Variants in MOK observed in about 807,000 individuals in gnomAD.
MOK encodes the protein MOK protein kinase.
In MOK, 59 loss-of-function variants were observed where a neutral mutation model predicts 54.2. That is an observed-to-expected ratio of 1.09 (90% CI 0.88 to 1.35). The LOEUF (loss-of-function observed/expected upper bound fraction) is 1.35. MOK is among the 40% of genes most tolerant of loss of function. The pLI is 0.00. For missense variants in MOK, 517 were observed against 526.2 expected (o/e 0.98, Z 0.17); for synonymous variants, 210 against 202.7 (o/e 1.04, Z -0.31).
chr14:102,229,766 G>C, intron 10 of MOK, 109 bp from the exon 11 acceptor site: 1 of 1,029,120 alleles, frequency 9.7e-7, no homozygotes, highest in East Asian at 2.6e-5. Flanking sequence ...ACAATTTCTT[G>C]ACCATAAGAT....
intron 1 of MOK, among the ~76,000 whole-genome samples, chr14:102,287,255 G>A (rs1267029252): frequency 6.6e-6 from 1 of 152,130 alleles, no homozygotes; most frequent in Non-Finnish European, 1.5e-5. Flanking sequence ...GATTACCTGA[G>A]GTCAGGAGTT....
At position 102,229,488 on chromosome 14, in the gene MOK, C is replaced by G. The variant is rs999135815; in HGVS notation, c.1151G>C (p.Arg384Thr). The G allele has an allele frequency of 1.2e-6, 2 of 1,614,186 alleles. No homozygotes were observed. The highest frequency in any genetic ancestry group is 2.2e-5 in the East Asian group (1 of 44,866). Residue 384 changes from arginine (R) to threonine (T), a missense_variant, in exon 11 of 12, where the codon AGA (arginine) becomes ACA (threonine). Coordinates refer to ENST00000361847, the MANE Select transcript of MOK (RefSeq NM_014226.3). ...GCTCGCAGGGATGCACTTCAAGGGT[C>G]TCAGCACCGGCACTCTTCCATTTGT... The part of the protein sequence containing the change: ...SGTNGRVPVL[R>T]PLKCIPASKK...
chr14:102,236,934 CTG>C lies in MOK; in HGVS notation c.591-3147_591-3146del, dbSNP rs2065272341. 6.6e-6 allele frequency among the ~76,000 whole-genome samples: 1 copy of C among 152,202 alleles called. No individual in the cohort carries two copies. The highest frequency in any genetic ancestry group is 6.5e-5 in the Admixed American group (1 of 15,278). Reference sequence around the variant, plus strand: ...CAAGACCTCCGAGCCATCAGTCAGGCTGTCTTTCCTATTCATCCCATAGTCCC... The same window carrying C: ...CAAGACCTCCGAGCCATCAGTCAGGCTCTTTCCTATTCATCCCATAGTCCC... On this transcript the variant is annotated intron_variant, in intron 7 of 11. Coordinates refer to ENST00000361847, the MANE Select transcript of MOK (RefSeq NM_014226.3). The surrounding 1 kb of genome is among the most constrained non-coding windows in gnomAD (Gnocchi z 4.5).
Position 102,305,051 on chromosome 14 carries a change from A to G in MOK, c.-83T>C. On this transcript the variant is annotated 5_prime_UTR_variant, in exon 1 of 12. Coordinates refer to ENST00000361847, the MANE Select transcript of MOK (RefSeq NM_014226.3). The stretch of plus-strand genomic sequence containing the variant: ...CAGGAAGGTTGTCCCCCTGCTTTCC[A>G]CTTCCCTGAGGCGGGGTCCCGCACT... 1 of 1,516,392 alleles carries G rather than the reference A, an allele frequency of 6.6e-7. No individual in the cohort carries two copies. Among genetic ancestry groups the G allele is most frequent in the Non-Finnish European group, 9.0e-7 (1 of 1,109,668 alleles). 93.9% of individuals were successfully genotyped at this position (1,516,392 alleles called of 1,614,324 possible).
intron 7 of MOK, among the ~76,000 whole-genome samples, chr14:102,241,689 C>T (rs539484189): frequency 1.3e-5 from 2 of 152,290 alleles, no homozygotes; most frequent in East Asian, 3.9e-4. Flanking sequence ...GATTCCGGCC[C>T]TCAAACCCCA....
chr14:102,246,786 C>T (rs903984561), intron 7 of MOK, among the ~76,000 whole-genome samples: 6 of 152,118 alleles, frequency 3.9e-5, no homozygotes, highest in African/African-American at 1.4e-4. Flanking sequence ...TAGTAGGAAC[C>T]GTAACAACCC....
chr14:102,248,546 A>G (rs993454783), intron 7 of MOK, among the ~76,000 whole-genome samples: 4 of 152,132 alleles, frequency 2.6e-5, no homozygotes, highest in African/African-American at 9.7e-5. Context: ...TGGGAGGCTG[A>G]GGCGGGCGGA....
chr14:102,263,829 C>A, intron 3 of MOK: 2 of 408,846 alleles, frequency 4.9e-6, no homozygotes, highest in Non-Finnish European at 4.3e-6. Flanking sequence ...CAACTTTGAA[C>A]AAAATTCTAG....
chr14:102,225,990 CG>C (rs1375929704), downstream of MOK: 4 of 352,706 alleles, frequency 1.1e-5, no homozygotes, highest in Non-Finnish European at 2.1e-5. Flanking sequence ...AGGAAGAGGT[CG>C]GCCGTGCCAG....
Position 102,262,275 on chromosome 14 carries a change from AGGTG to A in MOK, c.283+1267_283+1270del, listed in dbSNP as rs577687087. On this transcript the variant is annotated intron_variant, in intron 4 of 11. Coordinates refer to ENST00000361847, the MANE Select transcript of MOK (RefSeq NM_014226.3). ...ATTTTCCTGCCTCAGCTTCCTGAGT[AGGTG>A]GGACTACAGGCATACACCACCATGC... is the stretch of plus-strand genomic sequence containing the variant. 4.6e-3 allele frequency among the ~76,000 whole-genome samples: 705 copies of A among 152,244 alleles called. 6 individuals are homozygous for A. The highest frequency in any genetic ancestry group is 0.016 in the African/African-American group (654 of 41,538).
chr14:102,268,386 TA>T (rs2068077693), intron 2 of MOK, among the ~76,000 whole-genome samples: 1 of 151,922 alleles, frequency 6.6e-6, no homozygotes. Flanking sequence ...AAAAAAAATC[TA>T]AAAAAACCTG....
At chr14:102,274,175 T>C (rs1472070218) in intron 2 of MOK, among the ~76,000 whole-genome samples, 1 of 151,782 alleles carries the variant, frequency 6.6e-6, no homozygotes, top group Non-Finnish European at 1.5e-5. Flanking sequence ...GCCAGGATGG[T>C]CTTGACCTCC....
In MOK at chr14:102,232,615, C is replaced by T; in HGVS notation, c.786G>A (p.Leu262=). ...CGGGATCATAGGCCACCATTGCGTG[C>T]AGGAGGGAGAGGCATTGTGGGGACA... The part of the protein sequence containing the change: ...TNLSPQCLSL[L]HAMVAYDPDE... Residue 262 remains leucine (L), a synonymous_variant, in exon 9 of 12, where the codon CTG becomes CTA. Transcript: ENST00000361847. The surrounding 1 kb of genome is among the most constrained non-coding windows in gnomAD (Gnocchi z 5.1). 1 of 1,614,102 alleles carries T rather than the reference C, an allele frequency of 6.2e-7. No individual in the cohort carries two copies. Among genetic ancestry groups the T allele is most frequent in the Non-Finnish European group, 8.5e-7 (1 of 1,179,986 alleles).
At chr14:102,214,876 T>G in the MOK span, 1 of 972,046 alleles carries the variant, frequency 1.0e-6, no homozygotes, top group Non-Finnish European at 1.2e-6. Context: ...ACTGCTTTGT[T>G]TTTTTTTTTA....
chr14:102,229,825 G>A (rs553950793), intron 10 of MOK, 168 bp from the exon 11 acceptor site: 290 of 641,936 alleles, frequency 4.5e-4, no homozygotes, highest in African/African-American at 2.0e-3. Context: ...GGGAGTGGCT[G>A]CCCACTAGAG....
In MOK at chr14:102,229,559, C is replaced by T. The variant is rs774510864; in HGVS notation, c.1080G>A (p.Leu360=). The change falls in exon 11 of 12, where the codon CTG becomes CTA. Residue 360 remains leucine (L), a synonymous_variant. Coordinates refer to ENST00000361847, the MANE Select transcript of MOK (RefSeq NM_014226.3). ...PKLKLSGVVR[L]SSYSSPTLQS... is the part of the protein sequence containing the mutation. ...GCAGCGTGGGGCTGGAGTAAGACGA[C>T]AGTCTGACCACTCCCGAAAGCTTTA... 6.2e-7 allele frequency: 1 copy of T among 1,614,180 alleles called. No homozygotes were observed. The highest frequency in any genetic ancestry group is 2.2e-5 in the East Asian group (1 of 44,876).
rs112944189 is a variant in MOK at position 102,292,818 on chromosome 14, T to C, written c.8-9226A>G. Among the ~76,000 whole-genome samples, 554 of 152,188 alleles carry C rather than the reference T, an allele frequency of 3.6e-3. 3 individuals carry two copies. The highest frequency in any genetic ancestry group is 6.8e-3 in the Middle Eastern group (2 of 294). The stretch of plus-strand genomic sequence containing the variant: ...TAGTATTAAAACCATTCAATTTGTA[T>C]ATGAGTGAATCTGTACATTAACAGC... On this transcript the variant is annotated intron_variant, in intron 1 of 11. Transcript: ENST00000361847.
intron 2 of MOK, among the ~76,000 whole-genome samples, chr14:102,268,362 T>TA (rs2068074798): frequency 6.6e-6 from 1 of 150,738 alleles, no homozygotes; most frequent in Non-Finnish European, 1.5e-5. Context: ...TCCCCTCTTT[T>TA]AAAATCATGA....
In MOK at chr14:102,237,907, C is replaced by T; in HGVS notation, c.591-4118G>A. 1.3e-5 allele frequency: 2 copies of T among 152,254 alleles called. 1 individual carries two copies. Among genetic ancestry groups the T allele is most frequent in the Non-Finnish European group, 2.9e-5 (2 of 68,058 alleles). The allele number at this position is 152,254 out of a possible 1,614,324, so 9.4% of individuals were successfully genotyped here. ...CAGTCCTCATAATCTACAGGATCTC[C>T]TCTCCTCCCGAGCATGAGGCTCCCT... On this transcript the variant is annotated intron_variant, in intron 7 of 11. Coordinates refer to ENST00000361847, the MANE Select transcript of MOK (RefSeq NM_014226.3).
Sources: allele counts gnomAD v4.1 joint callset (sites outside exome capture counted in the v4.1 genomes callset), GRCh38; gene constraint gnomAD v4.1.1; non-coding constraint Gnocchi (gnomAD v3.1); transcripts MANE v1.5; gene names NCBI Gene and HGNC (gene_info 2026-07-23, HGNC 2026-07-21).